The following RFC2 variants were observed in gnomAD, a reference collection of about 807,000 sequenced individuals.
The protein encoded by RFC2 is replication factor C subunit 2.
A neutral mutation model predicts 44.8 loss-of-function variants in RFC2; 34 were observed. That is an observed-to-expected ratio of 0.76 (90% CI 0.58 to 1.01). The LOEUF is 1.01. Among genes scored for constraint, RFC2 ranks in the 50% least tolerant of loss-of-function variants. RFC2 has a pLI of 0.00. For synonymous variants in RFC2, 177 were observed against 168.9 expected, an observed-to-expected ratio of 1.05 and a Z score of -0.37; for missense variants, 400 against 453.6, an observed-to-expected ratio of 0.88 and a Z score of 1.07.
chr7:74,235,056 T>C (rs1238558580), intron 10 of RFC2, among the ~76,000 whole-genome samples: 2 of 152,112 alleles, frequency 1.3e-5, no homozygotes, highest in Non-Finnish European at 2.9e-5. Context: ...TTTTTTGTTT[T>C]GAGACAGTCT....
intron 6 of RFC2, among the ~76,000 whole-genome samples, chr7:74,241,235 C>G (rs1160578350): frequency 1.3e-5 from 2 of 152,182 alleles, no homozygotes; most frequent in African/African-American, 4.8e-5. Flanking sequence ...CCTGCCAAAT[C>G]AAGACCTAGG....
chr7:74,240,502 C>CAA (rs1216974808), intron 6 of RFC2, among the ~76,000 whole-genome samples: 786 of 73,132 alleles, frequency 0.011, 23 homozygotes, highest in Admixed American at 0.085. Context: ...GCTGTGTCTC[C>CAA]AAAAAAAAAA....
At chr7:74,239,910 C>G in intron 7 of RFC2, 28 bp downstream of exon 7, 1 of 1,561,678 alleles carries the variant, frequency 6.4e-7, no homozygotes, top group Non-Finnish European at 8.7e-7. Context: ...ACAGGATGCC[C>G]ACGCCTGAAT....
At chr7:74,235,188 CA>C (rs1482404587) in intron 10 of RFC2, among the ~76,000 whole-genome samples, 8 of 152,238 alleles carry the variant, frequency 5.3e-5, no homozygotes, top group Admixed American at 2.6e-4. Context: ...AGGCGCTTGC[CA>C]CCACACCCAG....
intron 5 of RFC2, among the ~76,000 whole-genome samples, chr7:74,244,785 T>C (rs1229059393): frequency 6.6e-6 from 1 of 151,396 alleles, no homozygotes; most frequent in Non-Finnish European, 1.5e-5. Context: ...CTGGGTAACA[T>C]AGTGAGATCC....
chr7:74,246,257 G>C (rs1193253816), intron 5 of RFC2, among the ~76,000 whole-genome samples: 1 of 151,096 alleles, frequency 6.6e-6, no homozygotes, highest in African/African-American at 2.4e-5. Context: ...AAATTAGCCG[G>C]GTGTGGCGGC....
intron 9 of RFC2, among the ~76,000 whole-genome samples, 155 bp from the exon 10 acceptor site, chr7:74,235,800 T>C (rs1412751990): frequency 6.6e-6 from 1 of 152,078 alleles, no homozygotes; most frequent in Non-Finnish European, 1.5e-5. Context: ...ACATTGCAAA[T>C]GTATTGTTGT....
intron 10 of RFC2, 83 bp from the exon 11 acceptor site, chr7:74,232,299 A>C (rs1443067136): frequency 2.7e-6 from 2 of 749,222 alleles, no homozygotes; most frequent in African/African-American, 3.6e-5. Flanking sequence ...ATAAAAATAA[A>C]AACAGAAACA....
At chr7:74,248,907 A>AGCT (rs1169766826) in intron 4 of RFC2, 105 bp downstream of exon 4, 4 of 768,734 alleles carry the variant, frequency 5.2e-6, no homozygotes, top group Non-Finnish European at 9.1e-6. Context: ...GAAATCACAT[A>AGCT]GCTGGCAAGG....
Position 74,232,051 on chromosome 7 carries a change from C to A in RFC2, c.*55G>T, listed in dbSNP as rs535932724. ...GGCATTTTCCCCCATCAGAAAGCCG[C>A]GGCTCCTGTACCTCAGAATAGGGCA... On this transcript the variant is annotated 3_prime_UTR_variant, in exon 11 of 11. Coordinates refer to ENST00000055077, the MANE Select transcript of RFC2 (RefSeq NM_181471.3). 20 of 1,055,534 alleles carry A rather than the reference C, an allele frequency of 1.9e-5. No individual in the cohort carries two copies. In the African/African-American group the frequency reaches 2.7e-4, roughly 14 times the overall value. 65.4% of individuals were successfully genotyped at this position (1,055,534 alleles called of 1,614,324 possible). A position where few individuals can be genotyped will look rare whatever the true frequency, so the allele number is the denominator to read the frequency against.
chr7:74,240,126 C>T (rs1426544505), intron 6 of RFC2, 31 bp from the exon 7 acceptor site: 24 of 1,600,722 alleles, frequency 1.5e-5, no homozygotes, highest in Non-Finnish European at 1.7e-5. Context: ...AGTGAGGCTT[C>T]CCTGCAGAGG....
At chr7:74,246,560 G>A in intron 5 of RFC2, 102 bp downstream of exon 5, 1 of 684,242 alleles carries the variant, frequency 1.5e-6, no homozygotes. Flanking sequence ...TGGAAGATAT[G>A]ATAAGCAAAT....
intron 9 of RFC2, among the ~76,000 whole-genome samples, chr7:74,236,299 G>T (rs1272492944): frequency 6.6e-6 from 1 of 152,062 alleles, no homozygotes; most frequent in African/African-American, 2.4e-5. Flanking sequence ...CAAATCTGAA[G>T]GCTTTCTTCA....
intron 5 of RFC2, among the ~76,000 whole-genome samples, chr7:74,246,242 T>C (rs919144159): frequency 2.1e-5 from 3 of 144,642 alleles, no homozygotes; most frequent in Non-Finnish European, 1.5e-5. Context: ...CAAATACAAA[T>C]ACAAAAATTA....
chr7:74,233,316 C>A (rs189068054), intron 10 of RFC2, among the ~76,000 whole-genome samples: 1 of 152,296 alleles, frequency 6.6e-6, no homozygotes, highest in Non-Finnish European at 1.5e-5. Flanking sequence ...AGTTCAAGAC[C>A]AGCCTTGGCA....
chr7:74,242,375 TTC>T (rs1477284347), intron 6 of RFC2, among the ~76,000 whole-genome samples: 7 of 152,100 alleles, frequency 4.6e-5, no homozygotes, highest in Admixed American at 2.0e-4. Flanking sequence ...CTCGTTTTCT[TTC>T]TCTTTTTTCC....
chr7:74,240,521 A>AGAG (rs1554719131), intron 6 of RFC2, among the ~76,000 whole-genome samples: 224 of 146,906 alleles, frequency 1.5e-3, no homozygotes, highest in African/African-American at 5.3e-3. Flanking sequence ...AAAAAAAAAA[A>AGAG]AGAGAGAGAG....
chr7:74,253,222 CT>C (rs537519473), intron 1 of RFC2, among the ~76,000 whole-genome samples: 370 of 140,104 alleles, frequency 2.6e-3, no homozygotes, highest in Middle Eastern at 3.7e-3. Flanking sequence ...AGTTTCTTTT[CT>C]TTTTTTTTTT....
chr7:74,243,180 G>T lies in RFC2; in HGVS notation c.501C>A (p.Phe167Leu). 1 of 1,613,788 alleles carries T rather than the reference G, an allele frequency of 6.2e-7. No homozygotes were observed. The highest frequency in any genetic ancestry group is 1.1e-5 in the South Asian group (1 of 91,064). The change falls in exon 6 of 11, where the codon TTC becomes TTA. Residue 167 changes from phenylalanine to leucine, a missense_variant. Coordinates refer to ENST00000055077, the MANE Select transcript of RFC2 (RefSeq NM_181471.3). ...TATCCGAAGCATTACAAGCAAGGGC[G>T]AAGCGAGTGGTTTTAGAGTAGATTT... ...TMEIYSKTTR[F>L]ALACNASDKI...
Sources: gnomAD v4.1 joint callset for allele counts (sites outside exome capture counted in the v4.1 genomes callset) on GRCh38, gnomAD v4.1.1 for gene constraint, MANE v1.5 for transcripts, NCBI Gene and HGNC (gene_info 2026-07-23, HGNC 2026-07-21) for gene names.